ATP2B2: variants seen among roughly 807,000 people sequenced by gnomAD.
ATP2B2 encodes plasma membrane calcium-transporting ATPase 2.
In ATP2B2, 15 loss-of-function variants were observed where a neutral mutation model predicts 120.0. That is an observed-to-expected ratio of 0.12 (90% CI 0.08 to 0.19). ATP2B2 has a LOEUF of 0.19. Ranked by LOEUF, ATP2B2 falls within the 10% of genes least tolerant of loss-of-function variation. The probability of loss-of-function intolerance (pLI) is 1.00; values close to 1 mark genes in which losing one functional copy is unlikely to be tolerated. For missense variants in ATP2B2, 1,045 were observed against 1,719.8 expected (o/e 0.61, Z 6.94); for synonymous variants, 694 against 700.3 (o/e 0.99, Z 0.14).
intron 2 of ATP2B2, among the ~76,000 whole-genome samples, chr3:10,413,625 T>C (rs755844221): frequency 6.6e-6 from 1 of 152,180 alleles, no homozygotes; most frequent in Non-Finnish European, 1.5e-5. Context: ...GGGAGATCCA[T>C]GTACAGAGCG....
intron 5 of ATP2B2, among the ~76,000 whole-genome samples, chr3:10,397,826 G>T (rs1255908768): frequency 6.6e-6 from 1 of 152,178 alleles, no homozygotes; most frequent in African/African-American, 2.4e-5. Context: ...TAGACAGTCG[G>T]TGACGGGGAA....
intron 1 of ATP2B2, among the ~76,000 whole-genome samples, chr3:10,683,789 T>TAC (rs1310398035): frequency 1.6e-5 from 2 of 123,526 alleles, no homozygotes; most frequent in East Asian, 4.8e-4. Flanking sequence ...TATATATATA[T>TAC]ATATATATAT....
intron 3 of ATP2B2, among the ~76,000 whole-genome samples, chr3:10,520,552 C>T (rs892361377): frequency 6.6e-6 from 1 of 152,312 alleles, no homozygotes; most frequent in African/African-American, 2.4e-5. Flanking sequence ...TCACTGCAAC[C>T]TCCACCTCCT....
chr3:10,588,987 A>G (rs569573400), intron 2 of ATP2B2, among the ~76,000 whole-genome samples: 1 of 152,332 alleles, frequency 6.6e-6, no homozygotes, highest in Admixed American at 6.5e-5. Context: ...AGGTTCCCAG[A>G]TCCCGACATC....
intron 2 of ATP2B2, among the ~76,000 whole-genome samples, chr3:10,580,071 T>G (rs569755087): frequency 6.6e-6 from 1 of 152,082 alleles, no homozygotes; most frequent in Non-Finnish European, 1.5e-5. Context: ...TGACAGCCAC[T>G]CTTCCGGTCA....
chr3:10,468,456 C>T (rs1163381303), intron 1 of ATP2B2, among the ~76,000 whole-genome samples: 2 of 152,238 alleles, frequency 1.3e-5, no homozygotes, highest in Non-Finnish European at 2.9e-5. Context: ...TGGCGGCTAC[C>T]CAATGTTGAT....
In ATP2B2 at chr3:10,677,299, G is replaced by A. The variant is rs370334332; in HGVS notation, c.-460+30616C>T. Among the ~76,000 whole-genome samples, 14 of 152,272 alleles carry A rather than the reference G, an allele frequency of 9.2e-5. No homozygotes were observed. In the South Asian group the frequency reaches 1.2e-3, roughly 14 times the overall value. On this transcript the variant is annotated intron_variant, in intron 1 of 21. Coordinates refer to the ATP2B2 transcript ENST00000646379. ...AAATGCATATTGCTAAGTGAAAGAA[G>A]CCAACCTGAAAAGGCTGCATACTAT...
At chr3:10,477,764 G>A (rs1048972754) in intron 1 of ATP2B2, among the ~76,000 whole-genome samples, 4 of 152,222 alleles carry the variant, frequency 2.6e-5, no homozygotes, top group Non-Finnish European at 5.9e-5. Context: ...TGTATGAACA[G>A]ACTACATTTG....
At chr3:10,650,781 G>C (rs991178590) in intron 1 of ATP2B2, among the ~76,000 whole-genome samples, 1 of 152,208 alleles carries the variant, frequency 6.6e-6, no homozygotes, top group Non-Finnish European at 1.5e-5. Flanking sequence ...CGTGCACCTG[G>C]AAAAGCCACA....
At chr3:10,462,538 A>G (rs1200520163) in intron 1 of ATP2B2, among the ~76,000 whole-genome samples, 2 of 152,214 alleles carry the variant, frequency 1.3e-5, no homozygotes, top group African/African-American at 4.8e-5. Flanking sequence ...AGGCTGTGTG[A>G]GGCTCTGCTC....
chr3:10,412,686 C>T (rs544523733), intron 2 of ATP2B2, among the ~76,000 whole-genome samples: 9 of 152,268 alleles, frequency 5.9e-5, no homozygotes, highest in Admixed American at 1.3e-4. Context: ...CTACTTGGGC[C>T]GTGGACCTTG....
At chr3:10,609,281 G>A (rs2069166065) in intron 2 of ATP2B2, among the ~76,000 whole-genome samples, 1 of 148,614 alleles carries the variant, frequency 6.7e-6, no homozygotes, top group Non-Finnish European at 1.5e-5. Flanking sequence ...GGGTCTGGAG[G>A]GCAGGGAGCT....
intron 1 of ATP2B2, among the ~76,000 whole-genome samples, chr3:10,495,186 G>A (rs1376433203): frequency 2.0e-5 from 3 of 152,186 alleles, no homozygotes; most frequent in Non-Finnish European, 2.9e-5. Context: ...TTGGGACATG[G>A]GCCAGGTATG....
chr3:10,558,669 C>T (rs1458915926), intron 2 of ATP2B2, among the ~76,000 whole-genome samples: 1 of 152,216 alleles, frequency 6.6e-6, no homozygotes, highest in African/African-American at 2.4e-5. Context: ...CAGTTTAACC[C>T]TTAAACCCCT....
chr3:10,626,001 T>TGGTAGCAA (rs1233173267), intron 1 of ATP2B2: 1 of 152,156 alleles, frequency 6.6e-6, no homozygotes, highest in African/African-American at 2.4e-5. Context: ...TTCCCATTTA[T>TGGTAGCAA]GGTAGCAATA....
chr3:10,371,377 C>A lies in ATP2B2; in HGVS notation c.1659+432G>T, dbSNP rs184569404. On this transcript the variant is annotated intron_variant, in intron 12 of 22. Coordinates refer to ENST00000360273, the MANE Select transcript of ATP2B2 (RefSeq NM_001001331.4). ...AGATCAGAGGAGATGTCCACATGAACCCCCACAGATGCAGGAGGAAGCCTA... is the reference window on the plus strand; with the variant it reads ...AGATCAGAGGAGATGTCCACATGAAACCCCACAGATGCAGGAGGAAGCCTA... Among the ~76,000 whole-genome samples, 169 of 152,340 alleles carry A rather than the reference C, an allele frequency of 1.1e-3. 1 individual carries two copies. The highest frequency in any genetic ancestry group is 8.5e-4 in the Non-Finnish European group (58 of 68,042).
intron 1 of ATP2B2, among the ~76,000 whole-genome samples, chr3:10,479,474 C>G (rs147836519): frequency 6.6e-6 from 1 of 151,944 alleles, no homozygotes. Flanking sequence ...GATTTACTTA[C>G]GAAATCACAC....
chr3:10,634,736 T>C (rs947856912), intron 1 of ATP2B2, among the ~76,000 whole-genome samples: 7 of 152,222 alleles, frequency 4.6e-5, no homozygotes, highest in African/African-American at 1.7e-4. Context: ...GAATGCCTTC[T>C]GAACCTTGAC....
intron 1 of ATP2B2, among the ~76,000 whole-genome samples, chr3:10,457,718 A>G (rs1312090409): frequency 1.3e-5 from 2 of 152,178 alleles, no homozygotes; most frequent in Non-Finnish European, 2.9e-5. Flanking sequence ...GAACAGGGAA[A>G]GAGGAAGGGA....
Sources: allele counts gnomAD v4.1 joint callset (sites outside exome capture counted in the v4.1 genomes callset), GRCh38; gene constraint gnomAD v4.1.1; transcripts MANE v1.5; gene names NCBI Gene and HGNC (gene_info 2026-07-23, HGNC 2026-07-21).